The following LRRTM4 variants were observed in gnomAD, a reference collection of about 807,000 sequenced individuals.
LRRTM4 encodes the protein leucine-rich repeat transmembrane neuronal protein 4.
In LRRTM4, 25 loss-of-function variants were observed where a neutral mutation model predicts 47.6. That is an observed-to-expected ratio of 0.53 (90% CI 0.38 to 0.73). The LOEUF (loss-of-function observed/expected upper bound fraction) is 0.73. LRRTM4 is among the 30% of genes least tolerant of loss of function. The pLI, the probability that LRRTM4 is intolerant of heterozygous loss-of-function variation, is 0.00. For synonymous variants in LRRTM4, 311 were observed against 269.5 expected, an observed-to-expected ratio of 1.15 and a Z score of -1.51; for missense variants, 638 against 713.4, an observed-to-expected ratio of 0.89 and a Z score of 1.20.
At chr2:76,831,045 T>C (rs1214309641) in intron 3 of LRRTM4, among the ~76,000 whole-genome samples, 2 of 152,122 alleles carry the variant, frequency 1.3e-5, no homozygotes, top group African/African-American at 2.4e-5. Context: ...TGTTTGCTCT[T>C]ACAAAGTTAA....
intron 3 of LRRTM4, among the ~76,000 whole-genome samples, chr2:77,247,167 G>A (rs1558651834): frequency 6.6e-6 from 1 of 151,952 alleles, no homozygotes; most frequent in African/African-American, 2.4e-5. Flanking sequence ...TGTGTTATAG[G>A]TTGTTTTAGT....
chr2:77,036,808 T>C (rs895136842), intron 3 of LRRTM4, among the ~76,000 whole-genome samples: 3 of 151,584 alleles, frequency 2.0e-5, no homozygotes, highest in African/African-American at 7.3e-5. Flanking sequence ...GAAGCAAAAA[T>C]GTGGTGAGAC....
chr2:77,503,602 G>A (rs192785027), intron 3 of LRRTM4, among the ~76,000 whole-genome samples: 7 of 151,652 alleles, frequency 4.6e-5, no homozygotes, highest in Non-Finnish European at 8.9e-5. Flanking sequence ...TATTCTGTGT[G>A]TGTAAATGAG....
chr2:77,082,901 TAGA>T (rs549004777), intron 3 of LRRTM4, among the ~76,000 whole-genome samples: 41 of 152,264 alleles, frequency 2.7e-4, no homozygotes, highest in African/African-American at 8.4e-4. Context: ...CACATTACTT[TAGA>T]AGAACGACTT....
intron 3 of LRRTM4, among the ~76,000 whole-genome samples, chr2:77,323,145 AG>A (rs565296889): frequency 2.0e-5 from 3 of 152,052 alleles, no homozygotes; most frequent in Non-Finnish European, 4.4e-5. Flanking sequence ...TCCAGTGGGC[AG>A]TCACCCAGAC....
intron 3 of LRRTM4, among the ~76,000 whole-genome samples, chr2:76,900,898 C>T (rs1241827964): frequency 6.6e-6 from 1 of 152,066 alleles, no homozygotes; most frequent in Non-Finnish European, 1.5e-5. Flanking sequence ...ATTAGAAGTA[C>T]CAAAATTTAG....
intron 3 of LRRTM4, among the ~76,000 whole-genome samples, chr2:76,818,735 G>A (rs902351165): frequency 5.3e-5 from 8 of 151,480 alleles, no homozygotes; most frequent in African/African-American, 1.5e-4. Flanking sequence ...GCAGACACAT[G>A]CACACAAACA....
intron 3 of LRRTM4, among the ~76,000 whole-genome samples, chr2:77,222,689 A>T (rs1382517611): frequency 3.3e-5 from 5 of 152,200 alleles, no homozygotes; most frequent in African/African-American, 1.2e-4. Flanking sequence ...GACCAATAAC[A>T]GGCTCCGAAA....
chr2:77,230,873 T>A (rs1674943148), intron 3 of LRRTM4, among the ~76,000 whole-genome samples: 1 of 152,138 alleles, frequency 6.6e-6, no homozygotes, highest in South Asian at 2.1e-4. Flanking sequence ...CAAACTATCA[T>A]TAAAAATAGA....
intron 3 of LRRTM4, among the ~76,000 whole-genome samples, chr2:76,926,156 A>C (rs1467450488): frequency 6.6e-6 from 1 of 152,172 alleles, no homozygotes; most frequent in African/African-American, 2.4e-5. Flanking sequence ...TTTGGATTGT[A>C]ATGTTTTTCA....
chr2:77,279,967 C>T (rs1278172788), intron 3 of LRRTM4, among the ~76,000 whole-genome samples: 1 of 151,906 alleles, frequency 6.6e-6, no homozygotes, highest in Non-Finnish European at 1.5e-5. Flanking sequence ...ATAATACTCC[C>T]CACTCGAAGA....
intron 3 of LRRTM4, among the ~76,000 whole-genome samples, chr2:77,396,851 C>T (rs60613213): frequency 0.029 from 4,438 of 151,852 alleles, 222 homozygotes; most frequent in African/African-American, 0.1. Flanking sequence ...TTTGAATATA[C>T]GTTTCTTAAA....
intron 3 of LRRTM4, among the ~76,000 whole-genome samples, chr2:77,030,650 G>T (rs941108019): frequency 6.6e-6 from 1 of 151,930 alleles, no homozygotes; most frequent in South Asian, 2.1e-4. Flanking sequence ...CAACCAAAAA[G>T]ACTCCTTGAT....
chr2:76,909,220 C>G (rs1276566980), intron 3 of LRRTM4, among the ~76,000 whole-genome samples: 5 of 152,244 alleles, frequency 3.3e-5, no homozygotes, highest in African/African-American at 7.2e-5. Context: ...CTTTGACAAA[C>G]CTGAGAAAAA....
intron 3 of LRRTM4, among the ~76,000 whole-genome samples, chr2:76,896,128 T>C (rs1673410027): frequency 6.6e-6 from 1 of 152,172 alleles, no homozygotes; most frequent in African/African-American, 2.4e-5. Flanking sequence ...ATATTCCTTA[T>C]GGGAAAATTT....
chr2:76,807,922 TCTTTC>T (rs759734277), intron 3 of LRRTM4, among the ~76,000 whole-genome samples: 1,270 of 119,606 alleles, frequency 0.011, 22 homozygotes, highest in African/African-American at 0.032. Flanking sequence ...TTCTTTCCTT[TCTTTC>T]CTTTCCTTTC....
chr2:77,030,294 T>C (rs10204988), intron 3 of LRRTM4, among the ~76,000 whole-genome samples: 50,662 of 151,586 alleles, frequency 0.33, 12,596 homozygotes, highest in African/African-American at 0.7. Context: ...ATTAGCTGGG[T>C]GTGGTGGTAT....
chr2:77,025,835 A>G (rs941669605), intron 3 of LRRTM4, among the ~76,000 whole-genome samples: 1 of 152,174 alleles, frequency 6.6e-6, no homozygotes, highest in African/African-American at 2.4e-5. Flanking sequence ...ATGCCATTTT[A>G]TCAACAGTTA....
chr2:77,250,784 G>T (rs1367542236), intron 3 of LRRTM4, among the ~76,000 whole-genome samples: 2 of 152,076 alleles, frequency 1.3e-5, no homozygotes, highest in African/African-American at 2.4e-5. Flanking sequence ...GATTGTCCTT[G>T]TATACTTAAC....
Sources: allele counts gnomAD v4.1 joint callset (sites outside exome capture counted in the v4.1 genomes callset), GRCh38; gene constraint gnomAD v4.1.1; transcripts MANE v1.5; gene names NCBI Gene and HGNC (gene_info 2026-07-23, HGNC 2026-07-21).